Variants in MAGI1 observed in about 807,000 individuals in gnomAD.
MAGI1 encodes membrane associated guanylate kinase, WW and PDZ domain containing 1.
MAGI1 carries 58 observed loss-of-function variants against 139.9 expected under a neutral mutation model. The observed-to-expected ratio is 0.41, with a 90% CI of 0.34 to 0.52. The LOEUF (loss-of-function observed/expected upper bound fraction) is 0.52. Ranked by LOEUF, MAGI1 falls within the 20% of genes least tolerant of loss-of-function variation. The pLI is 0.12. For missense variants in MAGI1, 1,874 were observed against 1,901.6 expected (o/e 0.99, Z 0.27); for synonymous variants, 812 against 737.9 (o/e 1.10, Z -1.63).
chr3:65,922,893 C>T (rs1046828623), intron 1 of MAGI1, among the ~76,000 whole-genome samples: 1 of 152,190 alleles, frequency 6.6e-6, no homozygotes, highest in Non-Finnish European at 1.5e-5. Flanking sequence ...CAACTTACAA[C>T]TATGTCTATG....
chr3:65,855,666 AG>A (rs1173324802), intron 1 of MAGI1, among the ~76,000 whole-genome samples: 1 of 92,460 alleles, frequency 1.1e-5, no homozygotes, highest in Non-Finnish European at 2.4e-5. Context: ...AAGGAAAAAA[AG>A]AGAAAAGAAA....
At chr3:65,724,902 C>T (rs2033433908) in intron 1 of MAGI1, among the ~76,000 whole-genome samples, 1 of 152,144 alleles carries the variant, frequency 6.6e-6, no homozygotes, top group Non-Finnish European at 1.5e-5. Flanking sequence ...TCAATTACCT[C>T]CCACTGGGTC....
At chr3:65,738,910 GC>G (rs1440838711) in intron 1 of MAGI1, among the ~76,000 whole-genome samples, 1 of 152,158 alleles carries the variant, frequency 6.6e-6, no homozygotes, top group Non-Finnish European at 1.5e-5. Flanking sequence ...CCTCTTTAAG[GC>G]CCTAGAATCT....
chr3:65,502,397 T>C (rs1225660062), intron 2 of MAGI1, among the ~76,000 whole-genome samples: 2 of 152,016 alleles, frequency 1.3e-5, no homozygotes, highest in Non-Finnish European at 2.9e-5. Flanking sequence ...CTGCTTAGCA[T>C]AAGGATTTGT....
Position 65,430,003 on chromosome 3 carries a change from G to T in MAGI1, c.1684C>A (p.Pro562Thr). The T allele has an allele frequency of 1.2e-6, 2 of 1,613,892 alleles. No homozygotes were observed. Among genetic ancestry groups the T allele is most frequent in the Non-Finnish European group, 1.7e-6 (2 of 1,179,918 alleles). Residue 562 changes from proline (P) to threonine (T), a missense_variant, in exon 12 of 23, where the codon CCA (proline) becomes ACA (threonine). This residue lies in a region of MAGI1 where 86 missense variants were observed against 130.0 expected (regional missense o/e 0.66). Transcript: ENST00000402939. ...LCRGYPLPFD[P>T]DDPNTSLVTS... Reference sequence around the variant, plus strand: ...ACTAAACTTGTATTGGGGTCATCTGGATCAAAAGGCAATGGATAACCTCGG... The same window carrying T: ...ACTAAACTTGTATTGGGGTCATCTGTATCAAAAGGCAATGGATAACCTCGG...
intron 1 of MAGI1, among the ~76,000 whole-genome samples, chr3:65,911,570 A>G (rs2061672073): frequency 6.6e-6 from 1 of 152,144 alleles, no homozygotes. Context: ...CTATATCCTA[A>G]CTTGCATGCT....
intron 1 of MAGI1, among the ~76,000 whole-genome samples, chr3:65,856,762 G>T (rs553110857): frequency 6.6e-6 from 1 of 152,132 alleles, no homozygotes; most frequent in Non-Finnish European, 1.5e-5. Context: ...GGAGCTGATG[G>T]TCTTAACCCT....
chr3:65,431,935 G>T (rs549254352), intron 10 of MAGI1, among the ~76,000 whole-genome samples: 10 of 152,278 alleles, frequency 6.6e-5, no homozygotes, highest in Admixed American at 1.3e-4. Flanking sequence ...AGAGGTTGCA[G>T]TGAGCTGAGA....
chr3:65,912,557 G>A (rs112401634), intron 1 of MAGI1, among the ~76,000 whole-genome samples: 2,055 of 152,242 alleles, frequency 0.013, 40 homozygotes, highest in African/African-American at 0.048. Context: ...CAGGTCACAC[G>A]CAAAGTAGGA....
intron 17 of MAGI1, 94 bp from the exon 18 acceptor site, chr3:65,376,039 G>C (rs889539936): frequency 1.9e-5 from 17 of 896,890 alleles, no homozygotes; most frequent in African/African-American, 3.4e-5. Flanking sequence ...AGAAGGTTAA[G>C]TGTTAATAAA....
intron 5 of MAGI1, among the ~76,000 whole-genome samples, chr3:65,461,428 G>T (rs945385868): frequency 6.7e-6 from 1 of 150,010 alleles, no homozygotes; most frequent in African/African-American, 2.5e-5. Flanking sequence ...CGTTAGGCAG[G>T]ATGGTCTCGA....
chr3:65,463,088 C>G (rs1949926701), intron 5 of MAGI1, among the ~76,000 whole-genome samples: 1 of 152,188 alleles, frequency 6.6e-6, no homozygotes, highest in South Asian at 2.1e-4. Flanking sequence ...GACTTCCTCT[C>G]TTCCTATCTG....
At chr3:66,008,922 AAAG>A (rs1259775474) in intron 1 of MAGI1, 1 of 152,280 alleles carries the variant, frequency 6.6e-6, no homozygotes, top group Non-Finnish European at 1.5e-5. Context: ...AGGTTAGAGA[AAAG>A]AAGGTATAGG....
At chr3:65,357,244 A>G in intron 22 of MAGI1, 112 bp from the exon 23 acceptor site, 1 of 1,141,448 alleles carries the variant, frequency 8.8e-7, no homozygotes, top group South Asian at 1.6e-5. Context: ...AACAACTGTT[A>G]AAGCAGTCAG....
intron 1 of MAGI1, among the ~76,000 whole-genome samples, chr3:65,965,098 G>A (rs2064673910): frequency 6.6e-6 from 1 of 152,224 alleles, no homozygotes; most frequent in African/African-American, 2.4e-5. Context: ...CCAAGAAACA[G>A]ATGTAGAGTA....
intron 1 of MAGI1, among the ~76,000 whole-genome samples, chr3:65,835,894 T>A (rs1251553370): frequency 6.6e-6 from 1 of 152,152 alleles, no homozygotes; most frequent in Non-Finnish European, 1.5e-5. Flanking sequence ...CCTTGCAGAT[T>A]ACATTAAGCA....
At chr3:65,432,735 T>C (rs1229003196) in intron 10 of MAGI1, among the ~76,000 whole-genome samples, 2 of 152,060 alleles carry the variant, frequency 1.3e-5, no homozygotes, top group Non-Finnish European at 2.9e-5. Flanking sequence ...AGATGGAAAT[T>C]GAGGTGAGGT....
intron 1 of MAGI1, among the ~76,000 whole-genome samples, chr3:65,666,896 G>C (rs2107434513): frequency 6.6e-6 from 1 of 152,238 alleles, no homozygotes; most frequent in African/African-American, 2.4e-5. Flanking sequence ...CACCATTAGG[G>C]GGAGATGAGC....
In MAGI1 at chr3:65,570,947, A is replaced by G. The variant is rs1421342706; in HGVS notation, c.430+51025T>C. On this transcript the variant is annotated intron_variant, in intron 2 of 22. Transcript: ENST00000402939. ...AAACTCAATTACCGAATAACACTCA[A>G]TTTTGCCAATGGTATCTGTAGAAAC... is the stretch of plus-strand genomic sequence containing the variant. Among the ~76,000 whole-genome samples the G allele has an allele frequency of 2.0e-5, 3 of 152,294 alleles. No homozygotes were observed. The East Asian group carries it at 5.8e-4, about 29-fold the overall frequency.
Sources: allele counts gnomAD v4.1 joint callset (sites outside exome capture counted in the v4.1 genomes callset), GRCh38; gene constraint gnomAD v4.1.1; regional missense constraint gnomAD v4.1.1; transcripts MANE v1.5; gene names NCBI Gene and HGNC (gene_info 2026-07-23, HGNC 2026-07-21).